Variants in GAB2 observed in about 807,000 individuals in gnomAD.
The protein encoded by GAB2 is GRB2-associated-binding protein 2.
GAB2 carries 26 observed loss-of-function variants against 65.5 expected under a neutral mutation model. That is an observed-to-expected ratio of 0.40 (90% CI 0.29 to 0.55). The LOEUF (loss-of-function observed/expected upper bound fraction) is 0.55, where lower values mean the gene tolerates loss of function less well. Ranked by LOEUF, GAB2 falls within the 20% of genes least tolerant of loss-of-function variation. GAB2 has a pLI of 0.53. For missense variants in GAB2, 884 were observed against 875.8 expected (o/e 1.01, Z -0.12); for synonymous variants, 321 against 329.6 (o/e 0.97, Z 0.28).
intron 1 of GAB2, among the ~76,000 whole-genome samples, chr11:78,304,910 G>A (rs571334689): frequency 6.6e-6 from 1 of 152,242 alleles, no homozygotes; most frequent in African/African-American, 2.4e-5. Flanking sequence ...TCCAGGAAAA[G>A]CAAACTGCTT....
chr11:78,244,037 C>CA (rs1865220178), intron 3 of GAB2, among the ~76,000 whole-genome samples: 1 of 151,574 alleles, frequency 6.6e-6, no homozygotes. Context: ...AAAGCAAAAA[C>CA]AAAAAAGGGC....
At chr11:78,322,797 TAAA>T (rs34497179) in intron 1 of GAB2, among the ~76,000 whole-genome samples, 3 of 117,820 alleles carry the variant, frequency 2.5e-5, no homozygotes, top group Admixed American at 8.2e-5. Context: ...TACTGAAAAG[TAAA>T]AAAAAAAAAA....
At chr11:78,361,621 CAT>C (rs1198675884) in intron 1 of GAB2, among the ~76,000 whole-genome samples, 2 of 152,234 alleles carry the variant, frequency 1.3e-5, no homozygotes, top group South Asian at 2.1e-4. Flanking sequence ...GATTTTTAAA[CAT>C]GTGAAAAGAT....
intron 2 of GAB2, among the ~76,000 whole-genome samples, chr11:78,278,527 C>T (rs1243844893): frequency 6.6e-6 from 1 of 151,578 alleles, no homozygotes; most frequent in East Asian, 1.9e-4. Context: ...AATACAGGTG[C>T]ACGTCACCAC....
At chr11:78,280,398 A>G (rs1300523553) in intron 2 of GAB2, 2 of 594,058 alleles carry the variant, frequency 3.4e-6, no homozygotes, top group Non-Finnish European at 6.0e-6. Context: ...CACAACCCCA[A>G]CACTTTTTTT....
chr11:78,257,790 C>T (rs923190299), intron 2 of GAB2, among the ~76,000 whole-genome samples: 17 of 152,012 alleles, frequency 1.1e-4, no homozygotes, highest in African/African-American at 4.1e-4. Context: ...CTAGTCTACC[C>T]TGTGAGGTAC....
intron 2 of GAB2, among the ~76,000 whole-genome samples, chr11:78,278,053 GT>G: frequency 6.7e-6 from 1 of 148,956 alleles, no homozygotes; most frequent in East Asian, 2.0e-4. Flanking sequence ...TGTTTGTGAA[GT>G]TTTTCTTCCC....
intron 4 of GAB2, among the ~76,000 whole-genome samples, chr11:78,225,645 T>G (rs1864616298): frequency 6.6e-6 from 1 of 152,260 alleles, no homozygotes; most frequent in South Asian, 2.1e-4. Context: ...GGAGTATGAC[T>G]GCTCAAATTG....
Position 78,223,526 on chromosome 11 carries a change from G to T in GAB2, c.1453C>A (p.His485Asn), listed in dbSNP as rs376100085. 7 of 1,613,244 alleles carry T rather than the reference G, an allele frequency of 4.3e-6. No individual in the cohort carries two copies. The South Asian group carries it at 7.7e-5, about 18-fold the overall frequency. The change falls in exon 6 of 10, where the codon CAC becomes AAC. Residue 485 changes from histidine to asparagine, a missense_variant. His to Asn is a moderately conservative substitution (Grantham distance 68). Coordinates refer to ENST00000361507, the MANE Select transcript of GAB2 (RefSeq NM_080491.3). ...VYIPMSPGAHHFDSLGYPSTT... is the reference protein window; with the variant it reads ...VYIPMSPGAHNFDSLGYPSTT... ...GATGGGTAGCCAAGTGAGTCAAAGT[G>T]ATGGGCCCCTGGGCTCATTGGGATG...
intron 1 of GAB2, among the ~76,000 whole-genome samples, chr11:78,312,736 C>T (rs185513047): frequency 6.6e-6 from 1 of 152,210 alleles, no homozygotes; most frequent in African/African-American, 2.4e-5. Flanking sequence ...GCCTATTATC[C>T]AATTTTAAAG....
chr11:78,351,490 G>A (rs1191979929), intron 1 of GAB2, among the ~76,000 whole-genome samples: 1 of 152,102 alleles, frequency 6.6e-6, no homozygotes, highest in Non-Finnish European at 1.5e-5. Context: ...TGGTACTTGT[G>A]GAGAGTACAG....
At chr11:78,310,586 C>A (rs2134643066) in intron 1 of GAB2, among the ~76,000 whole-genome samples, 1 of 151,744 alleles carries the variant, frequency 6.6e-6, no homozygotes, top group African/African-American at 2.4e-5. Flanking sequence ...GGCCCAGGCC[C>A]AAGAATGTGT....
intron 3 of GAB2, among the ~76,000 whole-genome samples, chr11:78,243,385 T>C (rs544366818): frequency 5.9e-5 from 9 of 152,136 alleles, no homozygotes; most frequent in Admixed American, 3.3e-4. Flanking sequence ...TGAGAATCAC[T>C]TGAACCCAGG....
At chr11:78,356,845 T>C (rs1856365779) in intron 1 of GAB2, among the ~76,000 whole-genome samples, 1 of 152,216 alleles carries the variant, frequency 6.6e-6, no homozygotes, top group Admixed American at 6.5e-5. Flanking sequence ...TCTGAAATGT[T>C]ACAATATGGA....
At chr11:78,301,757 A>G (rs1480334857) in intron 1 of GAB2, among the ~76,000 whole-genome samples, 2 of 152,244 alleles carry the variant, frequency 1.3e-5, no homozygotes, top group Non-Finnish European at 2.9e-5. Flanking sequence ...AGCAAAGAAC[A>G]AATCTGGAGG....
At chr11:78,303,652 C>T (rs555476118) in intron 1 of GAB2, among the ~76,000 whole-genome samples, 45 of 152,302 alleles carry the variant, frequency 3.0e-4, no homozygotes, top group South Asian at 1.2e-3. Flanking sequence ...TGGTCCTTTG[C>T]ATTTCCATAC....
chr11:78,373,238 CTTTTTT>C (rs535640025), intron 1 of GAB2, among the ~76,000 whole-genome samples: 1 of 136,128 alleles, frequency 7.3e-6, no homozygotes, highest in African/African-American at 2.7e-5. Flanking sequence ...ATTATAATGA[CTTTTTT>C]TTTTTTTTTT....
chr11:78,288,535 A>G (rs1163398141), intron 1 of GAB2, among the ~76,000 whole-genome samples: 1 of 152,212 alleles, frequency 6.6e-6, no homozygotes, highest in African/African-American at 2.4e-5. Context: ...ATTTACTTCT[A>G]ACTAGCGATG....
intron 1 of GAB2, among the ~76,000 whole-genome samples, chr11:78,388,908 T>C (rs759469976): frequency 4.6e-5 from 7 of 152,202 alleles, no homozygotes; most frequent in Admixed American, 6.5e-5. Context: ...AACAGAAGAA[T>C]GAGAAACTCC....
Sources: allele counts gnomAD v4.1 joint callset (sites outside exome capture counted in the v4.1 genomes callset), GRCh38; gene constraint gnomAD v4.1.1; transcripts MANE v1.5; gene names NCBI Gene and HGNC (gene_info 2026-07-23, HGNC 2026-07-21).